The following IARS1 variants were observed in gnomAD, a reference collection of about 807,000 sequenced individuals.
IARS1 encodes the protein isoleucyl-tRNA synthetase 1.
IARS1 carries 124 observed loss-of-function variants against 168.2 expected under a neutral mutation model. The ratio of observed to expected loss-of-function variants is 0.74; its 90% confidence interval spans 0.64 to 0.86. IARS1 has a LOEUF of 0.86. Among genes scored for constraint, IARS1 ranks in the 40% least tolerant of loss-of-function variants. The pLI is 0.00. For missense variants in IARS1, 1,452 were observed against 1,515.8 expected (o/e 0.96, Z 0.70); for synonymous variants, 532 against 529.4 (o/e 1.00, Z -0.07).
intron 9 of IARS1, among the ~76,000 whole-genome samples, chr9:92,277,072 A>C (rs563121151): frequency 7.9e-5 from 12 of 152,276 alleles, no homozygotes; most frequent in African/African-American, 2.9e-4. Context: ...AACAAACAAA[A>C]ACCTCAATAA....
chr9:92,219,643 T>A (rs1275668544), intron 33 of IARS1, among the ~76,000 whole-genome samples: 3 of 151,514 alleles, frequency 2.0e-5, no homozygotes, highest in Non-Finnish European at 4.4e-5. Flanking sequence ...AAGACATGTA[T>A]GCAGCCAAAA....
chr9:92,244,923 C>G (rs1485661883), intron 27 of IARS1, 36 bp downstream of exon 27: 1 of 1,536,524 alleles, frequency 6.5e-7, no homozygotes. Context: ...GCTCTCATCT[C>G]TTGGTAAAGA....
At chr9:92,227,362 T>G (rs1825870724) in intron 31 of IARS1, among the ~76,000 whole-genome samples, 1 of 150,916 alleles carries the variant, frequency 6.6e-6, no homozygotes, top group Admixed American at 6.6e-5. Context: ...GAGGTGCTCC[T>G]CACTTCCCAG....
At chr9:92,284,056 T>C (rs964698255) in intron 6 of IARS1, among the ~76,000 whole-genome samples, 2 of 152,086 alleles carry the variant, frequency 1.3e-5, no homozygotes, top group African/African-American at 4.8e-5. Context: ...TATGTTCCTG[T>C]AGTCCCAGCT....
chr9:92,279,947 TC>T (rs538595415), intron 7 of IARS1, among the ~76,000 whole-genome samples: 210 of 152,324 alleles, frequency 1.4e-3, no homozygotes, highest in African/African-American at 4.6e-3. Context: ...CCAGGTTCAT[TC>T]AAGGCATAGC....
At chr9:92,230,630 C>T (rs924980960) in intron 30 of IARS1, among the ~76,000 whole-genome samples, 2 of 152,188 alleles carry the variant, frequency 1.3e-5, no homozygotes, top group Non-Finnish European at 2.9e-5. Context: ...CTGGGATAAA[C>T]ACCTAGGAGT....
At chr9:92,217,148 C>T (rs1463513008) in intron 33 of IARS1, among the ~76,000 whole-genome samples, 2 of 151,720 alleles carry the variant, frequency 1.3e-5, no homozygotes, top group Admixed American at 1.3e-4. Flanking sequence ...TACATGGAAA[C>T]TGAACAACCT....
intron 18 of IARS1, 94 bp from the exon 19 acceptor site, chr9:92,259,092 T>G: frequency 8.8e-7 from 1 of 1,140,254 alleles, no homozygotes; most frequent in Non-Finnish European, 1.2e-6. Context: ...TGAAAATCAG[T>G]CCTATTTTCT....
At chr9:92,281,111 A>G (rs1288996225) in intron 6 of IARS1, among the ~76,000 whole-genome samples, 3 of 151,996 alleles carry the variant, frequency 2.0e-5, no homozygotes, top group East Asian at 3.9e-4. Context: ...AGTCTCAAAA[A>G]TAATGTCTTT....
intron 33 of IARS1, among the ~76,000 whole-genome samples, chr9:92,215,843 A>G (rs1290494079): frequency 2.0e-5 from 3 of 152,072 alleles, no homozygotes; most frequent in Admixed American, 6.6e-5. Flanking sequence ...GTTGGAAAAC[A>G]CTCTGCAGGA....
At chr9:92,243,136 C>A in intron 28 of IARS1, 80 bp downstream of exon 28, 1 of 931,570 alleles carries the variant, frequency 1.1e-6, no homozygotes. Context: ...GTTTATATTA[C>A]CTGCCTCTCC....
At chr9:92,236,229 C>T (rs1382567385) in intron 30 of IARS1, among the ~76,000 whole-genome samples, 2 of 152,170 alleles carry the variant, frequency 1.3e-5, no homozygotes, top group African/African-American at 2.4e-5. Context: ...GGTGACCCAC[C>T]CGCCTTGGCC....
chr9:92,231,604 T>C (rs1202657864), intron 30 of IARS1, among the ~76,000 whole-genome samples: 7 of 150,900 alleles, frequency 4.6e-5, no homozygotes, highest in African/African-American at 1.7e-4. Context: ...TTTTTTTTTT[T>C]TTTAGTAGAG....
Position 92,270,703 on chromosome 9 carries a change from G to A in IARS1, c.1205+282C>T, listed in dbSNP as rs530506977. The stretch of plus-strand genomic sequence containing the variant: ...TCCAGCTACTCCAGAAGCTGAGGTG[G>A]GAGGATTGCTTAAGCCGGGGAGGTG... On this transcript the variant is annotated intron_variant, in intron 12 of 33. Coordinates refer to ENST00000443024, the MANE Select transcript of IARS1 (RefSeq NM_002161.6). 9.9e-5 allele frequency among the ~76,000 whole-genome samples: 15 copies of A among 152,272 alleles called. 1 individual carries two copies. The highest frequency in any genetic ancestry group is 6.8e-3 in the Middle Eastern group (2 of 294).
At chr9:92,278,009 T>C in intron 8 of IARS1, 86 bp from the exon 9 acceptor site, 1 of 1,311,572 alleles carries the variant, frequency 7.6e-7, no homozygotes, top group Admixed American at 1.8e-5. Flanking sequence ...CCCCTCTGGT[T>C]TACTGGCTTC....
At chr9:92,244,903 C>T (rs1828956242) in intron 27 of IARS1, 56 bp downstream of exon 27, 1 of 1,386,980 alleles carries the variant, frequency 7.2e-7, no homozygotes, top group Admixed American at 1.7e-5. Context: ...CAAATACTTT[C>T]TCCTCTTATG....
intron 30 of IARS1, among the ~76,000 whole-genome samples, chr9:92,236,231 G>A (rs964710809): frequency 3.3e-5 from 5 of 152,092 alleles, no homozygotes; most frequent in South Asian, 4.1e-4. Context: ...TGACCCACCC[G>A]CCTTGGCCTC....
rs73516566 is a variant in IARS1 at position 92,266,744 on chromosome 9, T to C, written c.1432-1191A>G. On this transcript the variant is annotated intron_variant, in intron 14 of 33. Transcript: ENST00000443024. ...CTGCCCCCACCCCACCGCCCGTTTC[T>C]TCTCTTGCCATGTGATTTCTGCATA... Among the ~76,000 whole-genome samples, 601 of 152,278 alleles carry C rather than the reference T, an allele frequency of 3.9e-3. 6 individuals are homozygous for C. The highest frequency in any genetic ancestry group is 0.013 in the African/African-American group (559 of 41,554).
At chr9:92,257,072 T>C (rs547880482) in intron 19 of IARS1, among the ~76,000 whole-genome samples, 144 of 152,204 alleles carry the variant, frequency 9.5e-4, no homozygotes, top group Non-Finnish European at 1.7e-3. Flanking sequence ...AATTGAAAGA[T>C]ATTCTAAAAT....
Sources: gnomAD v4.1 joint callset for allele counts (sites outside exome capture counted in the v4.1 genomes callset) on GRCh38, gnomAD v4.1.1 for gene constraint, MANE v1.5 for transcripts, NCBI Gene and HGNC (gene_info 2026-07-23, HGNC 2026-07-21) for gene names.